Variants in ST8SIA5 observed in about 807,000 individuals in gnomAD.
The protein encoded by ST8SIA5 is alpha-2,8-sialyltransferase 8E.
ST8SIA5 carries 24 observed loss-of-function variants against 40.2 expected under a neutral mutation model. The observed-to-expected ratio is 0.60, with a 90% CI of 0.43 to 0.84. The LOEUF is 0.84. Among genes scored for constraint, ST8SIA5 ranks in the 40% least tolerant of loss-of-function variants. ST8SIA5 has a pLI of 0.00. For synonymous variants in ST8SIA5, 198 were observed against 201.8 expected, an observed-to-expected ratio of 0.98 and a Z score of 0.16; for missense variants, 465 against 498.5, an observed-to-expected ratio of 0.93 and a Z score of 0.64.
chr18:46,704,517 A>ACCCCCCCCCCCCCCC, intron 2 of ST8SIA5, 55 bp downstream of exon 2: 1 of 1,498,968 alleles, frequency 6.7e-7, no homozygotes, highest in Non-Finnish European at 9.2e-7. Flanking sequence ...CTCACCCCCA[A>ACCCCCCCCCCCCCCC]CCCCTGCCCC....
At chr18:46,710,398 TCTTTCTTTCTTTCTTTC>T (rs1282956041) in intron 1 of ST8SIA5, among the ~76,000 whole-genome samples, 2 of 135,622 alleles carry the variant, frequency 1.5e-5, no homozygotes, top group Non-Finnish European at 3.0e-5. Context: ...TTTCTTTCTT[TCTTTCTTTCTTTCTTTC>T]TTTTTCTTTC....
chr18:46,687,987 G>A (rs72915493), intron 4 of ST8SIA5, among the ~76,000 whole-genome samples: 38,967 of 152,176 alleles, frequency 0.26, 5,828 homozygotes, highest in Middle Eastern at 0.42. Context: ...AGAGTAGTGC[G>A]GTGAGTCTGC....
At chr18:46,718,790 AC>A (rs1420522432) in intron 1 of ST8SIA5, among the ~76,000 whole-genome samples, 1 of 152,200 alleles carries the variant, frequency 6.6e-6, no homozygotes, top group Non-Finnish European at 1.5e-5. Flanking sequence ...CATGGCATGC[AC>A]TGAATTATTC....
chr18:46,681,906 C>T, intron 6 of ST8SIA5, 66 bp downstream of exon 6: 1 of 1,522,074 alleles, frequency 6.6e-7, no homozygotes, highest in South Asian at 1.2e-5. Flanking sequence ...TTCCAGTGCC[C>T]AGTAGCCGCA....
chr18:46,712,030 G>C (rs1373803364), intron 1 of ST8SIA5, among the ~76,000 whole-genome samples: 1 of 152,166 alleles, frequency 6.6e-6, no homozygotes, highest in African/African-American at 2.4e-5. Flanking sequence ...GCACAGGGTG[G>C]GGGTTGGGGG....
intron 1 of ST8SIA5, among the ~76,000 whole-genome samples, chr18:46,708,164 C>T (rs367910156): frequency 3.9e-5 from 6 of 152,312 alleles, no homozygotes; most frequent in South Asian, 2.1e-4. Context: ...CTAAAGAGCA[C>T]GTGATACCAG....
chr18:46,672,368 T>C lies in ST8SIA5; in HGVS notation c.*7674A>G, dbSNP rs529599965. 1.9e-4 allele frequency: 29 copies of C among 152,308 alleles called. 1 individual carries two copies. The highest frequency in any genetic ancestry group is 1.9e-3 in the South Asian group (9 of 4,830). 9.4% of individuals were successfully genotyped at this position (152,308 alleles called of 1,614,324 possible). ...CAGATCCTCCGGGAAGTAAAGGACC[T>C]GGCTTGGGGATTATTTTATAAAGAC... On this transcript the variant is annotated 3_prime_UTR_variant, in exon 7 of 7. Coordinates refer to ENST00000315087, the MANE Select transcript of ST8SIA5 (RefSeq NM_013305.6).
At chr18:46,685,063 T>A (rs1196701700) in intron 5 of ST8SIA5, among the ~76,000 whole-genome samples, 3 of 152,132 alleles carry the variant, frequency 2.0e-5, no homozygotes, top group African/African-American at 7.2e-5. Flanking sequence ...AGCTATACAA[T>A]CATTATGTGA....
At chr18:46,702,109 T>A (rs1472592985) in intron 2 of ST8SIA5, among the ~76,000 whole-genome samples, 1 of 146,518 alleles carries the variant, frequency 6.8e-6, no homozygotes, top group African/African-American at 2.6e-5. Context: ...ATGGCACCAC[T>A]GCACTCCAGC....
intron 1 of ST8SIA5, among the ~76,000 whole-genome samples, chr18:46,749,893 A>G (rs1473423762): frequency 1.3e-5 from 2 of 152,166 alleles, no homozygotes; most frequent in African/African-American, 4.8e-5. Flanking sequence ...TGCCCACATA[A>G]GACGAGGCCA....
intron 6 of ST8SIA5, 75 bp downstream of exon 6, chr18:46,681,897 T>C: frequency 1.3e-6 from 2 of 1,490,408 alleles, no homozygotes; most frequent in South Asian, 1.2e-5. Flanking sequence ...TAACAACACT[T>C]CCAGTGCCCA....
rs1217743797 is a variant in ST8SIA5 at position 46,676,937 on chromosome 18, CCA to C, written c.*3103_*3104del. 6.6e-6 allele frequency: 1 copy of C among 152,066 alleles called. No individual in the cohort carries two copies. The highest frequency in any genetic ancestry group is 1.5e-5 in the Non-Finnish European group (1 of 68,014). 9.4% of individuals were successfully genotyped at this position (152,066 alleles called of 1,614,324 possible). A position where few individuals can be genotyped will look rare whatever the true frequency, so the allele number is the denominator to read the frequency against. On this transcript the variant is annotated 3_prime_UTR_variant, in exon 7 of 7. Coordinates refer to ENST00000315087, the MANE Select transcript of ST8SIA5 (RefSeq NM_013305.6). ...CTGAAAGTCAGGAGACTGGTGAGTC[CCA>C]GTTGAGCCACAAGCTGGCCATGTAG...
At chr18:46,703,485 G>T (rs2039638851) in intron 2 of ST8SIA5, among the ~76,000 whole-genome samples, 1 of 152,158 alleles carries the variant, frequency 6.6e-6, no homozygotes, top group African/African-American at 2.4e-5. Flanking sequence ...GTAAGGAAAG[G>T]CTCAGAGAAG....
At position 46,706,111 on chromosome 18, in the gene ST8SIA5, C is replaced by T. The variant is rs1217887180; in HGVS notation, c.132-1447G>A. ...AAAAGTTATGTTTATAAATATTTGT[C>T]CTTAATAATTTTAATATAGTTTTAA... is the stretch of plus-strand genomic sequence containing the variant. On this transcript the variant is annotated intron_variant, in intron 1 of 6. Transcript: ENST00000315087. Among the ~76,000 whole-genome samples the T allele has an allele frequency of 2.6e-5, 4 of 150,954 alleles. No individual in the cohort carries two copies. In the East Asian group the frequency reaches 7.8e-4, roughly 29 times the overall value.
rs777999748 is a variant in ST8SIA5, at chr18:46,688,770, A to T, written c.456+5T>A. 1 of 1,610,242 alleles carries T rather than the reference A, an allele frequency of 6.2e-7. No individual in the cohort carries two copies. The highest frequency in any genetic ancestry group is 8.5e-7 in the Non-Finnish European group (1 of 1,178,110). On this transcript the variant is annotated splice_donor_5th_base_variant and intron_variant, in intron 4 of 6. Coordinates refer to ENST00000315087, the MANE Select transcript of ST8SIA5 (RefSeq NM_013305.6). ...CACCCAGACCGCCCCCGCCCAAAGC[A>T]GCACCTTGGGAAACATGCGGAAGAT...
At chr18:46,704,760 GAAAT>G in intron 1 of ST8SIA5, 96 bp from the exon 2 acceptor site, 3 of 1,064,598 alleles carry the variant, frequency 2.8e-6, no homozygotes, top group South Asian at 2.6e-5. Flanking sequence ...CTGTCCCAGT[GAAAT>G]AAATAAAGCC....
intron 5 of ST8SIA5, 31 bp downstream of exon 5, chr18:46,686,143 G>C (rs753283558): frequency 1.3e-6 from 2 of 1,599,660 alleles, no homozygotes; most frequent in Non-Finnish European, 1.7e-6. Flanking sequence ...CCATGGGGTA[G>C]TGGCAAGGGC....
chr18:46,754,546 A>G (rs1014032141), intron 1 of ST8SIA5, among the ~76,000 whole-genome samples: 3 of 152,014 alleles, frequency 2.0e-5, no homozygotes, highest in Non-Finnish European at 4.4e-5. Context: ...AGCCCTATAC[A>G]AGTTTTGCCT....
At chr18:46,724,067 C>T (rs1460165873) in intron 1 of ST8SIA5, among the ~76,000 whole-genome samples, 1 of 152,222 alleles carries the variant, frequency 6.6e-6, no homozygotes, top group Non-Finnish European at 1.5e-5. Context: ...AGGCTGAGTA[C>T]CTGAGTCTCT....
Sources: gnomAD v4.1 joint callset for allele counts (sites outside exome capture counted in the v4.1 genomes callset) on GRCh38, gnomAD v4.1.1 for gene constraint, MANE v1.5 for transcripts, NCBI Gene and HGNC (gene_info 2026-07-23, HGNC 2026-07-21) for gene names.